The following HHAT variants were observed in gnomAD, a reference collection of about 807,000 sequenced individuals.
The protein encoded by HHAT is hedgehog acyltransferase, also known as protein-cysteine N-palmitoyltransferase HHAT.
HHAT carries 47 observed loss-of-function variants against 70.8 expected under a neutral mutation model. The ratio of observed to expected loss-of-function variants is 0.66; its 90% CI spans 0.53 to 0.85. The LOEUF is 0.85. Among genes scored for constraint, HHAT ranks in the 40% least tolerant of loss-of-function variants. The probability of loss-of-function intolerance (pLI) is 0.00; values close to 1 mark genes in which losing one functional copy is unlikely to be tolerated. For synonymous variants in HHAT, 228 were observed against 247.6 expected (o/e 0.92, Z 0.74); for missense variants, 609 against 604.8 (o/e 1.01, Z -0.07).
chr1:210,513,589 A>G (rs1263596522), intron 9 of HHAT, among the ~76,000 whole-genome samples: 1 of 152,228 alleles, frequency 6.6e-6, no homozygotes, highest in Non-Finnish European at 1.5e-5. Context: ...TGAAGATACA[A>G]CCTTGTTCAT....
intron 7 of HHAT, among the ~76,000 whole-genome samples, chr1:210,452,876 T>C (rs1003989622): frequency 6.6e-6 from 1 of 152,218 alleles, no homozygotes; most frequent in Non-Finnish European, 1.5e-5. Context: ...AGTTGGTTGT[T>C]CTTACATGGC....
chr1:210,458,211 T>C (rs1284988480), intron 7 of HHAT, among the ~76,000 whole-genome samples: 1 of 152,214 alleles, frequency 6.6e-6, no homozygotes, highest in African/African-American at 2.4e-5. Flanking sequence ...AATCAATCTT[T>C]GCTTTCTAAT....
intron 9 of HHAT, among the ~76,000 whole-genome samples, chr1:210,546,643 C>A (rs1446018643): frequency 6.6e-6 from 1 of 152,106 alleles, no homozygotes; most frequent in Non-Finnish European, 1.5e-5. Context: ...TTAACAGCAT[C>A]AGATTTCATT....
At chr1:210,510,913 C>A (rs2094942244) in intron 8 of HHAT, among the ~76,000 whole-genome samples, 1 of 152,176 alleles carries the variant, frequency 6.6e-6, no homozygotes, top group East Asian at 1.9e-4. Context: ...GGAATAGAGT[C>A]TGTTGGTCTC....
intron 11 of HHAT, among the ~76,000 whole-genome samples, chr1:210,647,700 T>A (rs1001761432): frequency 6.6e-6 from 1 of 152,196 alleles, no homozygotes; most frequent in Non-Finnish European, 1.5e-5. Flanking sequence ...AAGCCGAGGG[T>A]AAATGTGAAA....
intron 11 of HHAT, among the ~76,000 whole-genome samples, chr1:210,669,480 T>C (rs1447506782): frequency 6.6e-6 from 1 of 152,254 alleles, no homozygotes; most frequent in Non-Finnish European, 1.5e-5. Flanking sequence ...GCCACCTACA[T>C]TGGTCCTCTT....
chr1:210,582,342 G>A (rs936824907), intron 9 of HHAT, among the ~76,000 whole-genome samples: 2 of 152,136 alleles, frequency 1.3e-5, no homozygotes, highest in East Asian at 1.9e-4. Flanking sequence ...CAGCCCGGCC[G>A]AGGAATGGGT....
At chr1:210,661,163 A>G (rs4328122) in intron 11 of HHAT, among the ~76,000 whole-genome samples, 38,963 of 152,088 alleles carry the variant, frequency 0.26, 5,984 homozygotes, top group South Asian at 0.36. Flanking sequence ...TTTGCAATCT[A>G]CCCATCTGAC....
At chr1:210,521,112 T>G (rs1338242928) in intron 9 of HHAT, among the ~76,000 whole-genome samples, 2 of 152,242 alleles carry the variant, frequency 1.3e-5, no homozygotes, top group African/African-American at 4.8e-5. Flanking sequence ...AAATAGATTT[T>G]GCATATTAGA....
chr1:210,359,498 G>A lies in HHAT; in HGVS notation c.92-3354G>A, dbSNP rs1273887062. On this transcript the variant is annotated intron_variant, in intron 2 of 11. Coordinates refer to ENST00000261458, the MANE Select transcript of HHAT (RefSeq NM_018194.6). ...CTGGTGCCACCCAGATCGATGAACTGGCTCATTTGATCTTGCGGCTCCCAC... is the reference window on the plus strand; with the variant it reads ...CTGGTGCCACCCAGATCGATGAACTAGCTCATTTGATCTTGCGGCTCCCAC... Among the ~76,000 whole-genome samples, 5 of 152,142 alleles carry A rather than the reference G, an allele frequency of 3.3e-5. No homozygotes were observed. In the East Asian group the frequency reaches 9.7e-4, roughly 29 times the overall value.
At chr1:210,475,571 T>C (rs2094292450) in intron 8 of HHAT, among the ~76,000 whole-genome samples, 1 of 152,216 alleles carries the variant, frequency 6.6e-6, no homozygotes. Context: ...CAGGGGAAGC[T>C]AGAACATGGG....
At chr1:210,623,732 T>G in intron 11 of HHAT, 62 bp downstream of exon 11, 1 of 1,523,926 alleles carries the variant, frequency 6.6e-7, no homozygotes, top group Middle Eastern at 1.7e-4. Context: ...GCGGATGGGA[T>G]CATACATGGG....
At chr1:210,673,476 T>C (rs1051794566) in intron 11 of HHAT, among the ~76,000 whole-genome samples, 10 of 152,088 alleles carry the variant, frequency 6.6e-5, no homozygotes, top group Non-Finnish European at 1.5e-4. Context: ...AAAGTACAGA[T>C]TTTGGAACAT....
intron 5 of HHAT, 43 bp downstream of exon 5, chr1:210,400,705 C>T (rs1282751238): frequency 6.4e-7 from 1 of 1,570,002 alleles, no homozygotes; most frequent in Admixed American, 1.8e-5. Flanking sequence ...GAGAAGGCCC[C>T]TTTGGCTTTG....
intron 4 of HHAT, among the ~76,000 whole-genome samples, chr1:210,397,381 T>C (rs926981422): frequency 2.0e-5 from 3 of 152,196 alleles, no homozygotes; most frequent in Non-Finnish European, 4.4e-5. Context: ...GTAATTTAAA[T>C]GAATTGGGCT....
intron 11 of HHAT, among the ~76,000 whole-genome samples, chr1:210,669,906 G>A (rs1202372403): frequency 6.6e-6 from 1 of 152,104 alleles, no homozygotes; most frequent in Non-Finnish European, 1.5e-5. Flanking sequence ...GATGCCTTGT[G>A]GGAAGAATGG....
chr1:210,452,278 T>C (rs2093771110), intron 7 of HHAT, among the ~76,000 whole-genome samples: 1 of 152,206 alleles, frequency 6.6e-6, no homozygotes, highest in Admixed American at 6.5e-5. Context: ...GGGATTGTGC[T>C]GAGATAAGCC....
chr1:210,550,639 A>T (rs2095520249), intron 9 of HHAT, among the ~76,000 whole-genome samples: 2 of 148,936 alleles, frequency 1.3e-5, no homozygotes, highest in Admixed American at 1.4e-4. Context: ...TCAACATTGA[A>T]TTATCAGTGG....
chr1:210,438,174 TTGTG>T (rs3036615), intron 7 of HHAT, among the ~76,000 whole-genome samples: 2 of 149,578 alleles, frequency 1.3e-5, no homozygotes, highest in African/African-American at 2.5e-5. Context: ...TTCTCCGTGT[TTGTG>T]TGTGTGTGTG....
Sources: gnomAD v4.1 joint callset for allele counts (sites outside exome capture counted in the v4.1 genomes callset) on GRCh38, gnomAD v4.1.1 for gene constraint, MANE v1.5 for transcripts, NCBI Gene and HGNC (gene_info 2026-07-23, HGNC 2026-07-21) for gene names.